The following ANGPT2 variants were observed in gnomAD, a reference collection of about 807,000 sequenced individuals.
The protein encoded by ANGPT2 is angiopoietin-2.
ANGPT2 carries 28 observed loss-of-function variants against 62.9 expected under a neutral mutation model. That is an observed-to-expected ratio of 0.44 (90% CI 0.33 to 0.61). ANGPT2 has a LOEUF of 0.61. Among genes scored for constraint, ANGPT2 ranks in the 20% least tolerant of loss-of-function variants. ANGPT2 has a pLI of 0.03. For missense variants in ANGPT2, 727 were observed against 594.9 expected, an observed-to-expected ratio of 1.22 and a Z score of -2.31; for synonymous variants, 284 against 207.8, an observed-to-expected ratio of 1.37 and a Z score of -3.15.
intron 1 of ANGPT2, among the ~76,000 whole-genome samples, chr8:6,553,864 A>G (rs1824120472): frequency 6.6e-6 from 1 of 152,132 alleles, no homozygotes; most frequent in South Asian, 2.1e-4. Context: ...GTGGATTTAC[A>G]TGTAAGACAA....
intron 1 of ANGPT2, among the ~76,000 whole-genome samples, chr8:6,560,056 G>A (rs928778781): frequency 2.6e-5 from 4 of 152,158 alleles, no homozygotes; most frequent in Non-Finnish European, 5.9e-5. Flanking sequence ...ACCACTCAGA[G>A]GTTGAACTAC....
intron 1 of ANGPT2, among the ~76,000 whole-genome samples, chr8:6,544,590 G>A (rs867838658): frequency 2.9e-4 from 44 of 151,976 alleles, no homozygotes; most frequent in Admixed American, 1.8e-3. Flanking sequence ...ATGTATTGGA[G>A]GGGGAGAGGG....
At chr8:6,527,275 G>T (rs1042832703) in intron 3 of ANGPT2, among the ~76,000 whole-genome samples, 1 of 152,134 alleles carries the variant, frequency 6.6e-6, no homozygotes, top group African/African-American at 2.4e-5. Context: ...TTTTATAATA[G>T]ATTAGCATGC....
intron 1 of ANGPT2, among the ~76,000 whole-genome samples, chr8:6,551,468 G>C (rs1187038456): frequency 6.6e-6 from 1 of 152,212 alleles, no homozygotes; most frequent in African/African-American, 2.4e-5. Context: ...TTACCCAGAA[G>C]GGAGCCATGC....
At chr8:6,513,608 C>T (rs13277236) in intron 7 of ANGPT2, 70 bp downstream of exon 7, 482,104 of 1,362,450 alleles carry the variant, frequency 0.35, 88,023 homozygotes, top group Middle Eastern at 0.45. Context: ...GCTGGGATTA[C>T]AGGCGTGAGC....
chr8:6,512,145 G>A (rs1412418482), intron 7 of ANGPT2, among the ~76,000 whole-genome samples: 1 of 152,084 alleles, frequency 6.6e-6, no homozygotes, highest in African/African-American at 2.4e-5. Flanking sequence ...ATGCTTCACT[G>A]ATGTTTAAAG....
intron 5 of ANGPT2, 95 bp downstream of exon 5, chr8:6,519,769 G>T (rs1024974015): frequency 6.8e-6 from 10 of 1,476,464 alleles, no homozygotes; most frequent in Admixed American, 3.7e-5. Flanking sequence ...GGCTGGGGAA[G>T]ATCTTTGGGG....
intron 1 of ANGPT2, among the ~76,000 whole-genome samples, chr8:6,538,575 G>A (rs1262978221): frequency 6.6e-6 from 1 of 152,170 alleles, no homozygotes; most frequent in Non-Finnish European, 1.5e-5. Context: ...CAGCTGCCCA[G>A]CGGCCTCATA....
intron 7 of ANGPT2, among the ~76,000 whole-genome samples, chr8:6,509,936 G>GC (rs913172474): frequency 2.0e-5 from 3 of 152,172 alleles, no homozygotes; most frequent in Admixed American, 2.0e-4. Flanking sequence ...TCATGAGGGA[G>GC]CATCGTGCCA....
Position 6,514,788 on chromosome 8 carries a change from G to A in ANGPT2, c.928-10C>T. The stretch of plus-strand genomic sequence containing the variant: ...CCATGTCACAGTAGGCCTGCAAACA[G>A]GAATGCAGGGTATAAGTGACAGAGC... On this transcript the variant is annotated splice_polypyrimidine_tract_variant and intron_variant, in intron 5 of 8. Transcript: ENST00000629816. The A allele has an allele frequency of 6.2e-7, 1 of 1,612,378 alleles. No individual in the cohort carries two copies. Among genetic ancestry groups the A allele is most frequent in the Non-Finnish European group, 8.5e-7 (1 of 1,178,590 alleles).
At chr8:6,510,965 T>C (rs779732489) in intron 7 of ANGPT2, among the ~76,000 whole-genome samples, 4 of 152,186 alleles carry the variant, frequency 2.6e-5, no homozygotes, top group Non-Finnish European at 4.4e-5. Context: ...TAAATACTCA[T>C]CTCTGTTGGG....
intron 1 of ANGPT2, among the ~76,000 whole-genome samples, chr8:6,544,888 A>ATGAT (rs1822276608): frequency 6.6e-6 from 1 of 151,778 alleles, no homozygotes; most frequent in African/African-American, 2.4e-5. Context: ...ACCTGCTAAC[A>ATGAT]TCAGATTCTT....
intron 2 of ANGPT2, among the ~76,000 whole-genome samples, chr8:6,531,539 A>G (rs1178284579): frequency 6.6e-6 from 1 of 151,988 alleles, no homozygotes; most frequent in Non-Finnish European, 1.5e-5. Flanking sequence ...TGATCCACCC[A>G]TCTCGGCCTC....
rs10715108 is a variant in ANGPT2 at position 6,554,308 on chromosome 8, G to GA, written c.288+8338dup. On this transcript the variant is annotated intron_variant, in intron 1 of 8. Transcript: ENST00000629816. ...ACAAGATCTGGATTTTAAAAAGAGA[G>GA]AAAAAAAAAAATGGAAAGGCTGGCT... is the stretch of plus-strand genomic sequence containing the variant. Among the ~76,000 whole-genome samples the GA allele has an allele frequency of 7.6e-4, 108 of 142,938 alleles. No homozygotes were observed. In the East Asian group the frequency reaches 7.6e-3, roughly 10 times the overall value. The allele number at this position is 142,938 out of a possible 152,430, so 93.8% of individuals were successfully genotyped here.
intron 1 of ANGPT2, among the ~76,000 whole-genome samples, chr8:6,557,325 T>G (rs2129575471): frequency 6.6e-6 from 1 of 152,296 alleles, no homozygotes; most frequent in East Asian, 1.9e-4. Flanking sequence ...CCACCATACC[T>G]ACCATACTTG....
intron 8 of ANGPT2, 88 bp downstream of exon 8, chr8:6,508,844 T>A (rs1418387928): frequency 6.4e-7 from 1 of 1,569,842 alleles, no homozygotes; most frequent in South Asian, 1.1e-5. Flanking sequence ...TCGTTACAAA[T>A]CACAATTTGT....
At chr8:6,550,375 G>A (rs1823419198) in intron 1 of ANGPT2, among the ~76,000 whole-genome samples, 1 of 152,218 alleles carries the variant, frequency 6.6e-6, no homozygotes, top group African/African-American at 2.4e-5. Context: ...CCCGACTGTA[G>A]GGCTGCACCC....
In ANGPT2 at chr8:6,505,208, A is replaced by AAT. The variant is rs71213310; in HGVS notation, c.1328-1949_1328-1948dup. 7.4e-3 allele frequency among the ~76,000 whole-genome samples: 444 copies of AAT among 60,016 alleles called. 16 individuals are homozygous for AAT. Among genetic ancestry groups the AAT allele is most frequent in the Middle Eastern group, 0.011 (1 of 94 alleles). The allele number at this position is 60,016 out of a possible 152,430, so 39.4% of individuals were successfully genotyped here. Reference sequence around the variant, plus strand: ...TATATATATTCTTATGTATATATAGAATATATATATATATTCTTATGTATA... The same window carrying AAT: ...TATATATATTCTTATGTATATATAGAATATATATATATATATTCTTATGTATA... On this transcript the variant is annotated intron_variant, in intron 8 of 8. Coordinates refer to ENST00000629816, the MANE Select transcript of ANGPT2 (RefSeq NM_001118887.2).
intron 2 of ANGPT2, among the ~76,000 whole-genome samples, chr8:6,528,816 C>G (rs922093764): frequency 2.6e-5 from 4 of 152,214 alleles, no homozygotes; most frequent in Non-Finnish European, 4.4e-5. Flanking sequence ...TTTGCAGGAG[C>G]CTTGGCTGGT....
Sources: gnomAD v4.1 joint callset for allele counts (sites outside exome capture counted in the v4.1 genomes callset) on GRCh38, gnomAD v4.1.1 for gene constraint, MANE v1.5 for transcripts, NCBI Gene and HGNC (gene_info 2026-07-23, HGNC 2026-07-21) for gene names.